The following ULK1 variants were observed in gnomAD, a reference collection of about 807,000 sequenced individuals.
The protein encoded by ULK1 is serine/threonine-protein kinase ULK1.
Under a neutral mutation model 117.5 loss-of-function variants are expected in ULK1, and 48 were observed. The observed-to-expected ratio is 0.41, with a 90% CI of 0.32 to 0.52. The LOEUF (loss-of-function observed/expected upper bound fraction) is 0.52, where lower values mean the gene tolerates loss of function less well. Ranked by LOEUF, ULK1 falls within the 20% of genes least tolerant of loss-of-function variation. ULK1 has a pLI of 0.29. For synonymous variants in ULK1, 790 were observed against 637.8 expected (o/e 1.24, Z -3.60); for missense variants, 1,387 against 1,473.4 (o/e 0.94, Z 0.96).
chr12:131,918,046 A>G (rs1044448630), intron 22 of ULK1, among the ~76,000 whole-genome samples: 1 of 152,086 alleles, frequency 6.6e-6, no homozygotes, highest in Non-Finnish European at 1.5e-5. Context: ...GGTCCTGGCC[A>G]GGGGCTGCCA....
chr12:131,914,555 G>A, intron 16 of ULK1, 78 bp downstream of exon 16: 2 of 1,526,154 alleles, frequency 1.3e-6, no homozygotes, highest in South Asian at 1.2e-5. Flanking sequence ...TCCCATAGAG[G>A]GACAGGGTCG....
chr12:131,917,658 G>A, intron 22 of ULK1, 104 bp downstream of exon 22: 2 of 1,162,196 alleles, frequency 1.7e-6, no homozygotes, highest in South Asian at 3.4e-5. Context: ...CAGCCCCCCA[G>A]AGCCCAGGGG....
rs1391179888 is a variant in ULK1 at position 131,895,582 on chromosome 12, G to A, written c.112-19G>A. 4 of 1,611,484 alleles carry A rather than the reference G, an allele frequency of 2.5e-6. No individual in the cohort carries two copies. In the Admixed American group the frequency reaches 5.0e-5, roughly 20 times the overall value. On this transcript the variant is annotated intron_variant, in intron 1 of 27. Coordinates refer to ENST00000321867, the MANE Select transcript of ULK1 (RefSeq NM_003565.4). ...GCGAGGGGCAGCCCTGGCCTTGAAG[G>A]TGCACGTTTGGCTTTCAGAAGCACG...
At position 131,894,828 on chromosome 12, in the gene ULK1, G is replaced by A. The variant is rs529753093; in HGVS notation, c.-174G>A. 755 of 152,112 alleles carry A rather than the reference G, an allele frequency of 5.0e-3. 7 individuals are homozygous for A. Among genetic ancestry groups the A allele is most frequent in the Non-Finnish European group, 6.3e-3 (452 of 71,190 alleles). The allele number at this position is 152,112 out of a possible 1,614,324, so 9.4% of individuals were successfully genotyped here. A position where few individuals can be genotyped will look rare whatever the true frequency, so the allele number is the denominator to read the frequency against. On this transcript the variant is annotated 5_prime_UTR_variant, in exon 1 of 28. Coordinates refer to ENST00000321867, the MANE Select transcript of ULK1 (RefSeq NM_003565.4). ...GGACCCCGCCTGGCCCGCGGGGCTG[G>A]GACCCGGCCCCGGCCTGCCCGATGG...
In ULK1 at chr12:131,913,833, C is replaced by T; in HGVS notation, c.1244C>T (p.Ser415Leu). 1 of 1,524,248 alleles carries T rather than the reference C, an allele frequency of 6.6e-7. No individual in the cohort carries two copies. The highest frequency in any genetic ancestry group is 2.5e-5 in the East Asian group (1 of 40,576). 94.4% of individuals were successfully genotyped at this position (1,524,248 alleles called of 1,614,324 possible). The change falls in exon 15 of 28, where the codon TCA (serine) becomes TTA (leucine). Residue 415 changes from serine to leucine, a missense_variant. By Grantham distance (145) the Ser-to-Leu change is moderately radical (BLOSUM62 -2). Coordinates refer to ENST00000321867, the MANE Select transcript of ULK1 (RefSeq NM_003565.4). Reference sequence around the variant, plus strand: ...CCCTGCAGCAGCTCCCCCAGTCCCTCAGGGTAAGCAGGGCCCCAGGCTGGG... The same window carrying T: ...CCCTGCAGCAGCTCCCCCAGTCCCTTAGGGTAAGCAGGGCCCCAGGCTGGG... ...SPPCSSSPSP[S>L]GRAGPFSSSR... is the part of the protein sequence containing the mutation.
At chr12:131,912,188 T>TG in intron 13 of ULK1, 99 bp downstream of exon 13, 2 of 1,479,258 alleles carry the variant, frequency 1.4e-6, no homozygotes, top group South Asian at 1.3e-5. Flanking sequence ...TTTCCACTTA[T>TG]GGGCAGTTAG....
chr12:131,909,690 C>A, intron 8 of ULK1, 85 bp from the exon 9 acceptor site: 1 of 1,376,158 alleles, frequency 7.3e-7, no homozygotes, highest in East Asian at 2.5e-5. Context: ...GGGCAGGGGC[C>A]GACTGGGGAC....
rs1414910857 is a variant in ULK1 at position 131,920,032 on chromosome 12, C to T, written c.2857C>T (p.Leu953=). Residue 953 remains leucine, a synonymous_variant, in exon 26 of 28, where the codon CTG becomes TTG. Coordinates refer to ENST00000321867, the MANE Select transcript of ULK1 (RefSeq NM_003565.4). ...YKASVVSCQG[L]SLRLQRFFLD... is the part of the protein sequence containing the mutation. Reference sequence around the variant, plus strand: ...GGCCAGCGTGGTGTCCTGCCAGGGCCTGAGCCTGCGGCTGCAGCGCTTCTT... The same window carrying T: ...GGCCAGCGTGGTGTCCTGCCAGGGCTTGAGCCTGCGGCTGCAGCGCTTCTT... 2.5e-6 allele frequency: 4 copies of T among 1,612,874 alleles called. No homozygotes were observed. In the South Asian group the frequency reaches 4.4e-5, roughly 18 times the overall value.
In ULK1 at chr12:131,909,766, TC is replaced by T; in HGVS notation, c.667-5del. 2 of 1,598,384 alleles carry T rather than the reference TC, an allele frequency of 1.3e-6. No individual in the cohort carries two copies. The highest frequency in any genetic ancestry group is 2.3e-5 in the East Asian group (1 of 44,352). On this transcript the variant is annotated splice_region_variant and splice_polypyrimidine_tract_variant and intron_variant, in intron 8 of 27. Transcript: ENST00000321867. The stretch of plus-strand genomic sequence containing the variant: ...AGCCCTGGCAGTCAGGCTGTCCCCG[TC>T]CCCGCAGGCCAGCAGCCCCCAGGAC...
chr12:131,895,716 G>A, intron 2 of ULK1, 23 bp downstream of exon 2: 1 of 1,612,348 alleles, frequency 6.2e-7, no homozygotes, highest in Non-Finnish European at 8.5e-7. Flanking sequence ...TGGGGGAGGG[G>A]GCGTGGGCGT....
At chr12:131,901,290 T>C (rs1362857438) in intron 3 of ULK1, among the ~76,000 whole-genome samples, 1 of 145,752 alleles carries the variant, frequency 6.9e-6, no homozygotes, top group Non-Finnish European at 1.5e-5. Flanking sequence ...ACCTGGGAGG[T>C]GGAGGTTGCA....
rs544705993 is a variant in ULK1 at position 131,916,499 on chromosome 12, G to A, written c.1980G>A (p.Thr660=). ...TGATGACGCCCCCTCGAAACCGGAC[G>A]CTGCCCGACCTCTCGGAGGTGGGAC... ...GVVMTPPRNR[T]LPDLSEVGPF... The change falls in exon 20 of 28, where the codon ACG becomes ACA. Residue 660 remains threonine (T), a synonymous_variant. Transcript: ENST00000321867. 7.4e-6 allele frequency: 12 copies of A among 1,612,252 alleles called. No homozygotes were observed. The highest frequency in any genetic ancestry group is 1.7e-4 in the Middle Eastern group (1 of 6,056).
intron 3 of ULK1, 190 bp from the exon 4 acceptor site, chr12:131,906,702 G>T: frequency 1.5e-6 from 1 of 670,204 alleles, no homozygotes; most frequent in African/African-American, 1.8e-5. Flanking sequence ...AGACCTGGCT[G>T]GCCACAAAAC....
intron 22 of ULK1, 126 bp downstream of exon 22, chr12:131,917,680 G>A: frequency 1.0e-6 from 1 of 981,132 alleles, no homozygotes; most frequent in Non-Finnish European, 1.3e-6. Flanking sequence ...GCCTGAGGAA[G>A]CAGCTCAGGC....
At chr12:131,917,389 G>A in intron 21 of ULK1, 22 bp from the exon 22 acceptor site, 1 of 1,477,686 alleles carries the variant, frequency 6.8e-7, no homozygotes, top group African/African-American at 1.4e-5. Context: ...GGATGCTCCT[G>A]AGCCCTTCCT....
chr12:131,920,802 C>G, intron 26 of ULK1: 2 of 402,544 alleles, frequency 5.0e-6, no homozygotes, highest in Admixed American at 4.0e-5. Context: ...TCCTGCCCCC[C>G]TTCCCGCCCA....
chr12:131,916,951 A>G lies in ULK1; in HGVS notation c.2073-2A>G. 1.2e-6 allele frequency: 2 copies of G among 1,609,644 alleles called. No homozygotes were observed. The highest frequency in any genetic ancestry group is 8.5e-7 in the Non-Finnish European group (1 of 1,178,370). ...CCAGCACAGCCCTGCACACTCCCACAGGTCTTTCAGCACCAGCCGCCTCAC... is the reference window on the plus strand; with the variant it reads ...CCAGCACAGCCCTGCACACTCCCACGGGTCTTTCAGCACCAGCCGCCTCAC... On this transcript the variant is annotated splice_acceptor_variant, in intron 20 of 27. Coordinates refer to ENST00000321867, the MANE Select transcript of ULK1 (RefSeq NM_003565.4). LOFTEE classifies it high-confidence loss of function.
intron 13 of ULK1, among the ~76,000 whole-genome samples, chr12:131,912,403 C>T (rs914624958): frequency 6.6e-6 from 1 of 152,118 alleles, no homozygotes. Flanking sequence ...GTACCCCTAC[C>T]TTGTTTCTCA....
Position 131,919,358 on chromosome 12 carries a change from G to C in ULK1, c.2658G>C (p.Gln886His), listed in dbSNP as rs1229519121. 2.2e-6 allele frequency: 3 copies of C among 1,370,882 alleles called. No homozygotes were observed. The highest frequency in any genetic ancestry group is 1.5e-5 in the African/African-American group (1 of 67,152). The allele number at this position is 1,370,882 out of a possible 1,614,324, so 84.9% of individuals were successfully genotyped here. The part of the protein sequence containing the change: ...YQLQESVVAD[Q>H]ISLLSREWGF... Reference sequence around the variant, plus strand: ...TGCAGGAGAGTGTGGTGGCCGACCAGATCAGCCTGCTGAGCCGAGAATGGG... The same window carrying C: ...TGCAGGAGAGTGTGGTGGCCGACCACATCAGCCTGCTGAGCCGAGAATGGG... The change falls in exon 24 of 28, where the codon CAG (glutamine) becomes CAC (histidine). Residue 886 changes from glutamine to histidine, a missense_variant. Gln to His is a conservative substitution (Grantham distance 24). Around this residue, in one of 4 missense-constraint regions of ULK1, gnomAD observed 900 missense variants for 858.9 expected, o/e 1.05. Transcript: ENST00000321867.
Sources: allele counts gnomAD v4.1 joint callset (sites outside exome capture counted in the v4.1 genomes callset), GRCh38; gene constraint gnomAD v4.1.1; regional missense constraint gnomAD v4.1.1; transcripts MANE v1.5; gene names NCBI Gene and HGNC (gene_info 2026-07-23, HGNC 2026-07-21).